Variants in DLGAP1 observed in about 807,000 individuals in gnomAD.
The protein encoded by DLGAP1 is disks large-associated protein 1.
A neutral mutation model predicts 90.8 loss-of-function variants in DLGAP1; 11 were observed. The observed-to-expected ratio is 0.12, with a 90% CI of 0.08 to 0.20. DLGAP1 has a LOEUF of 0.20. DLGAP1 is among the 10% of genes least tolerant of loss of function. The pLI, the probability that DLGAP1 is intolerant of heterozygous loss-of-function variation, is 1.00. For synonymous variants in DLGAP1, 558 were observed against 540.7 expected (o/e 1.03, Z -0.44); for missense variants, 1,050 against 1,333.8 (o/e 0.79, Z 3.31).
At chr18:3,698,560 T>C (rs558389450) in intron 7 of DLGAP1, among the ~76,000 whole-genome samples, 6 of 152,346 alleles carry the variant, frequency 3.9e-5, no homozygotes, top group African/African-American at 1.4e-4. Flanking sequence ...GATCTGCTGT[T>C]AGTCTGATGG....
In DLGAP1 at chr18:4,355,736, C is replaced by T. The variant is rs1257164341; in HGVS notation, c.-267+99270G>A. Among the ~76,000 whole-genome samples the T allele has an allele frequency of 1.7e-4, 18 of 102,912 alleles. No individual in the cohort carries two copies. In the East Asian group the frequency reaches 4.1e-3, roughly 24 times the overall value. 67.5% of individuals were successfully genotyped at this position (102,912 alleles called of 152,430 possible). A position where few individuals can be genotyped will look rare whatever the true frequency, so the allele number is the denominator to read the frequency against. ...TGGGTTAAAGTTACATGGGACAATCCGGGATCTTTTTTTTTTTTTTTTTTG... is the reference window on the plus strand; with the variant it reads ...TGGGTTAAAGTTACATGGGACAATCTGGGATCTTTTTTTTTTTTTTTTTTG... On this transcript the variant is annotated intron_variant, in intron 1 of 12. Coordinates refer to ENST00000315677, the MANE Select transcript of DLGAP1 (RefSeq NM_004746.4).
intron 5 of DLGAP1, among the ~76,000 whole-genome samples, chr18:3,769,718 G>A (rs1430538195): frequency 6.6e-6 from 1 of 152,092 alleles, no homozygotes; most frequent in Non-Finnish European, 1.5e-5. Context: ...TGGGAGGGAA[G>A]TGGGTGTGGC....
At chr18:4,002,886 ATCTC>A in intron 3 of DLGAP1, among the ~76,000 whole-genome samples, 1 of 152,056 alleles carries the variant, frequency 6.6e-6, no homozygotes, top group East Asian at 1.9e-4. Context: ...CCAGGTCTCT[ATCTC>A]TCTCTCCCCT....
chr18:3,502,092 C>T, intron 12 of DLGAP1: 1 of 962,976 alleles, frequency 1.0e-6, no homozygotes, highest in Non-Finnish European at 1.2e-6. Flanking sequence ...TCAGGGCATC[C>T]TATTTTTCTT....
chr18:3,854,516 C>T (rs1189804609), intron 4 of DLGAP1, among the ~76,000 whole-genome samples: 1 of 152,176 alleles, frequency 6.6e-6, no homozygotes, highest in Non-Finnish European at 1.5e-5. Context: ...ATTCTACTGC[C>T]ATTTTCTGGA....
chr18:4,076,959 G>A (rs1323797434), intron 2 of DLGAP1, among the ~76,000 whole-genome samples: 1 of 147,450 alleles, frequency 6.8e-6, no homozygotes, highest in Non-Finnish European at 1.5e-5. Flanking sequence ...GTTATTATAT[G>A]TTAAGTACTT....
intron 3 of DLGAP1, among the ~76,000 whole-genome samples, chr18:3,933,721 T>C (rs1162189305): frequency 3.9e-5 from 6 of 152,206 alleles, no homozygotes; most frequent in Non-Finnish European, 8.8e-5. Context: ...ATGGTGTGAA[T>C]GCCCCCTTTC....
intron 1 of DLGAP1, among the ~76,000 whole-genome samples, chr18:4,240,656 T>C (rs2078515079): frequency 6.6e-6 from 1 of 152,222 alleles, no homozygotes; most frequent in South Asian, 2.1e-4. Flanking sequence ...TGTCCTAACA[T>C]AATTCACATA....
At chr18:4,013,432 G>A (rs1193537875) in intron 2 of DLGAP1, among the ~76,000 whole-genome samples, 1 of 152,168 alleles carries the variant, frequency 6.6e-6, no homozygotes, top group Non-Finnish European at 1.5e-5. Context: ...TGACCCTACA[G>A]TCTTCCTTTC....
In DLGAP1 at chr18:4,127,327, T is replaced by C. The variant is rs528806453; in HGVS notation, c.-159+23853A>G. ...CTATTTTTCCAAAGGGGAAAAAACA[T>C]GATTTAGTCTCTTTTTTCCACCCTA... On this transcript the variant is annotated intron_variant, in intron 2 of 12. Transcript: ENST00000315677. Among the ~76,000 whole-genome samples the C allele has an allele frequency of 2.0e-5, 3 of 152,226 alleles. No individual in the cohort carries two copies. In the South Asian group the frequency reaches 6.2e-4, roughly 32 times the overall value.
intron 1 of DLGAP1, among the ~76,000 whole-genome samples, chr18:4,203,665 C>T (rs995917423): frequency 2.0e-5 from 3 of 152,168 alleles, no homozygotes; most frequent in African/African-American, 2.4e-5. Flanking sequence ...TTTCTCCCTC[C>T]CTGAAACATT....
chr18:4,260,564 C>T (rs539126846), intron 1 of DLGAP1, among the ~76,000 whole-genome samples: 18 of 152,002 alleles, frequency 1.2e-4, no homozygotes, highest in South Asian at 4.1e-4. Context: ...TTTATTATAA[C>T]GAAAGATATA....
intron 11 of DLGAP1, among the ~76,000 whole-genome samples, chr18:3,503,165 A>G (rs957306600): frequency 3.9e-5 from 6 of 152,226 alleles, no homozygotes; most frequent in Admixed American, 6.5e-5. Flanking sequence ...GTGTTTAATA[A>G]TTAAGATGTT....
At chr18:3,573,565 T>C (rs2145234961) in intron 8 of DLGAP1, among the ~76,000 whole-genome samples, 1 of 152,302 alleles carries the variant, frequency 6.6e-6, no homozygotes, top group East Asian at 1.9e-4. Context: ...ATAGGAATTA[T>C]TTGCTTCATG....
chr18:3,667,667 T>G lies in DLGAP1; in HGVS notation c.1591+61468A>C, dbSNP rs556704846. 2.3e-3 allele frequency among the ~76,000 whole-genome samples: 354 copies of G among 152,244 alleles called. 1 individual carries two copies. Among genetic ancestry groups the G allele is most frequent in the African/African-American group, 8.0e-3 (331 of 41,546 alleles). ...GCCTCAGTGCAAACCTAGAATTAAG[T>G]ACATCTCTGACACTTCCAGGTCGGT... is the stretch of plus-strand genomic sequence containing the variant. On this transcript the variant is annotated intron_variant, in intron 7 of 12. Transcript: ENST00000315677.
chr18:3,758,833 T>C (rs1232658883), intron 5 of DLGAP1, among the ~76,000 whole-genome samples: 2 of 152,218 alleles, frequency 1.3e-5, no homozygotes, highest in African/African-American at 2.4e-5. Context: ...ATATTTGCAT[T>C]GCCGGCCAGA....
At chr18:3,702,271 C>T (rs376060294) in intron 7 of DLGAP1, among the ~76,000 whole-genome samples, 1 of 152,166 alleles carries the variant, frequency 6.6e-6, no homozygotes, top group African/African-American at 2.4e-5. Flanking sequence ...TCAGGTGATC[C>T]GCCCACCTCG....
intron 1 of DLGAP1, among the ~76,000 whole-genome samples, chr18:4,238,039 C>T (rs761475124): frequency 1.3e-5 from 2 of 152,126 alleles, no homozygotes; most frequent in African/African-American, 2.4e-5. Context: ...ATCCATAATG[C>T]TCCAGTAAGC....
At chr18:3,932,461 C>G (rs2072540297) in intron 3 of DLGAP1, among the ~76,000 whole-genome samples, 1 of 152,316 alleles carries the variant, frequency 6.6e-6, no homozygotes, top group East Asian at 1.9e-4. Context: ...ATTTCAGCCT[C>G]TAAGATGGAA....
Sources: gnomAD v4.1 joint callset for allele counts (sites outside exome capture counted in the v4.1 genomes callset) on GRCh38, gnomAD v4.1.1 for gene constraint, MANE v1.5 for transcripts, NCBI Gene and HGNC (gene_info 2026-07-23, HGNC 2026-07-21) for gene names.